The following MYO5A variants were observed in gnomAD, a reference collection of about 807,000 sequenced individuals.
MYO5A encodes the protein unconventional myosin-Va.
MYO5A carries 98 observed loss-of-function variants against 249.7 expected under a neutral mutation model. The observed-to-expected ratio is 0.39, with a 90% CI of 0.33 to 0.46. The LOEUF is 0.46. Among genes scored for constraint, MYO5A ranks in the 20% least tolerant of loss-of-function variants. MYO5A has a pLI of 0.98. For missense variants in MYO5A, 1,696 were observed against 2,308.8 expected, an observed-to-expected ratio of 0.73 and a Z score of 5.44; for synonymous variants, 778 against 810.6, an observed-to-expected ratio of 0.96 and a Z score of 0.68.
At chr15:52,525,136 T>G (rs1489647335) in intron 1 of MYO5A, among the ~76,000 whole-genome samples, 1 of 152,166 alleles carries the variant, frequency 6.6e-6, no homozygotes, top group Non-Finnish European at 1.5e-5. Flanking sequence ...TAGCAAATAT[T>G]TTCAAAATCA....
chr15:52,340,112 G>T, intron 32 of MYO5A, 84 bp downstream of exon 32: 1 of 1,477,096 alleles, frequency 6.8e-7, no homozygotes, highest in Non-Finnish European at 9.4e-7. Flanking sequence ...TTCCCAGCAA[G>T]AAAAACCCGT....
intron 40 of MYO5A, among the ~76,000 whole-genome samples, chr15:52,316,261 A>AAGTC (rs1555424920): frequency 3.3e-5 from 5 of 151,376 alleles, no homozygotes; most frequent in African/African-American, 1.2e-4. Flanking sequence ...AAAAAAAAGA[A>AAGTC]AGAAAGTCTA....
chr15:52,424,845 C>T (rs546830783), intron 4 of MYO5A, among the ~76,000 whole-genome samples: 137 of 152,286 alleles, frequency 9.0e-4, no homozygotes, highest in African/African-American at 3.2e-3. Flanking sequence ...CTGAAAGTAA[C>T]ATTTTTCTCC....
At position 52,351,300 on chromosome 15, in the gene MYO5A, A is replaced by G. The variant is rs780124012; in HGVS notation, c.3803T>C (p.Ile1268Thr). The change falls in exon 28 of 42, where the codon ATC becomes ACC. Residue 1268 changes from isoleucine (I) to threonine (T), a missense_variant. Transcript: ENST00000399233. ...CTGGCTCACCAGTTGAGACCTTAAGATGAGGACTTCCTCCTTGCGGACATC... is the reference window on the plus strand; with the variant it reads ...CTGGCTCACCAGTTGAGACCTTAAGGTGAGGACTTCCTCCTTGCGGACATC... Reference protein sequence around the residue: ...ELDVRKEEVLILRSQLVSQKE... With the variant: ...ELDVRKEEVLTLRSQLVSQKE... 9 of 1,614,206 alleles carry G rather than the reference A, an allele frequency of 5.6e-6. No individual in the cohort carries two copies. The highest frequency in any genetic ancestry group is 6.8e-6 in the Non-Finnish European group (8 of 1,180,030).
At chr15:52,506,399 C>T (rs969668153) in intron 1 of MYO5A, among the ~76,000 whole-genome samples, 11 of 151,782 alleles carry the variant, frequency 7.2e-5, no homozygotes, top group African/African-American at 1.9e-4. Flanking sequence ...TGGTGGCACA[C>T]ACCTGTAATC....
chr15:52,511,784 T>C (rs1366631880), intron 1 of MYO5A, among the ~76,000 whole-genome samples: 2 of 152,196 alleles, frequency 1.3e-5, no homozygotes, highest in African/African-American at 2.4e-5. Flanking sequence ...ATCCCAAATA[T>C]ATAATTATTT....
chr15:52,389,504 T>A, intron 12 of MYO5A, 141 bp from the exon 13 acceptor site: 1 of 810,240 alleles, frequency 1.2e-6, no homozygotes, highest in Non-Finnish European at 1.9e-6. Context: ...AGTTCATTCC[T>A]TCCACATTTC....
At chr15:52,486,080 A>T (rs895103971) in intron 1 of MYO5A, among the ~76,000 whole-genome samples, 3 of 152,050 alleles carry the variant, frequency 2.0e-5, no homozygotes, top group African/African-American at 4.8e-5. Context: ...TACTTTTCCT[A>T]TTCATTTTCA....
In MYO5A at chr15:52,323,342, A is replaced by G; in HGVS notation, c.4800+13T>C. The G allele has an allele frequency of 6.2e-7, 1 of 1,606,082 alleles. No homozygotes were observed. Among genetic ancestry groups the G allele is most frequent in the Non-Finnish European group, 8.5e-7 (1 of 1,172,882 alleles). ...AGTATAGCATGCTGGTTTTGTAATC[A>G]AGGTTTTCTCACCTCTTCTCCACTG... On this transcript the variant is annotated intron_variant, in intron 37 of 41. Transcript: ENST00000399233.
chr15:52,342,171 C>T (rs1019831191), intron 31 of MYO5A, among the ~76,000 whole-genome samples: 3 of 151,994 alleles, frequency 2.0e-5, no homozygotes, highest in African/African-American at 4.8e-5. Context: ...GCCTGGGCAA[C>T]CAAGTGAAAC....
chr15:52,426,836 A>C (rs2075405761), intron 3 of MYO5A, among the ~76,000 whole-genome samples: 1 of 152,262 alleles, frequency 6.6e-6, no homozygotes, highest in East Asian at 1.9e-4. Context: ...TATTAACTTA[A>C]TGAAGTCGTC....
At chr15:52,391,220 T>C (rs764607827) in intron 12 of MYO5A, among the ~76,000 whole-genome samples, 2 of 152,208 alleles carry the variant, frequency 1.3e-5, no homozygotes, top group Non-Finnish European at 2.9e-5. Context: ...ATGAAAATTA[T>C]CGAGTTTAAA....
chr15:52,527,459 G>C (rs1214210514), intron 1 of MYO5A, among the ~76,000 whole-genome samples: 1 of 152,188 alleles, frequency 6.6e-6, no homozygotes, highest in Non-Finnish European at 1.5e-5. Flanking sequence ...AAACTAGAAA[G>C]AAAGAGGTCT....
intron 27 of MYO5A, among the ~76,000 whole-genome samples, chr15:52,353,190 A>G (rs549096291): frequency 6.6e-6 from 1 of 152,316 alleles, no homozygotes; most frequent in East Asian, 1.9e-4. Context: ...GAGAGCCACT[A>G]ATCTAATACT....
chr15:52,400,411 T>C (rs1441198209), intron 9 of MYO5A, among the ~76,000 whole-genome samples: 2 of 152,226 alleles, frequency 1.3e-5, no homozygotes, highest in Admixed American at 6.5e-5. Context: ...GCAAGAATAG[T>C]ACAAAAAATT....
At position 52,379,667 on chromosome 15, in the gene MYO5A, G is replaced by C. The variant is rs200906422; in HGVS notation, c.2166C>G (p.Asp722Glu). 1.1e-4 allele frequency: 175 copies of C among 1,614,192 alleles called. 1 individual carries two copies. In the South Asian group the frequency reaches 1.2e-3, roughly 11 times the overall value. The change falls in exon 18 of 42, where the codon GAC becomes GAG. Residue 722 changes from aspartate (D) to glutamate (E), a missense_variant. This residue lies in a region of MYO5A where 277 missense variants were observed against 422.4 expected (regional missense o/e 0.66). Transcript: ENST00000399233. ...ACACATTCTTGCATGTTTGCTTTCT[G>C]TCACTCAGCACATCTTTCTGCTTCA... ...VLMKQKDVLSDRKQTCKNVLE... is the reference protein window; with the variant it reads ...VLMKQKDVLSERKQTCKNVLE...
rs1408373898 is a variant in MYO5A at position 52,435,556 on chromosome 15, C to A, written c.28-2271G>T. On this transcript the variant is annotated intron_variant, in intron 1 of 41. Coordinates refer to ENST00000399233, the MANE Select transcript of MYO5A (RefSeq NM_001382347.1). ...CCTCTCAAGGTGCTGGGATTACAGG[C>A]ATGAGCCACCATGCCCAGCCTATGT... 6 of 430,006 alleles carry A rather than the reference C, an allele frequency of 1.4e-5. No individual in the cohort carries two copies. In the East Asian group the frequency reaches 4.2e-4, roughly 30 times the overall value. The allele number at this position is 430,006 out of a possible 1,614,324, so 26.6% of individuals were successfully genotyped here.
chr15:52,406,969 G>C (rs2043031178), intron 8 of MYO5A, among the ~76,000 whole-genome samples: 1 of 152,126 alleles, frequency 6.6e-6, no homozygotes, highest in Non-Finnish European at 1.5e-5. Flanking sequence ...AGAATTACAA[G>C]TAGCCCTCCC....
intron 1 of MYO5A, among the ~76,000 whole-genome samples, chr15:52,519,660 T>C (rs984491041): frequency 6.6e-5 from 10 of 151,364 alleles, no homozygotes; most frequent in Non-Finnish European, 1.3e-4. Context: ...AAAATCAAAA[T>C]TGAAGACTGA....
Sources: gnomAD v4.1 joint callset for allele counts (sites outside exome capture counted in the v4.1 genomes callset) on GRCh38, gnomAD v4.1.1 for gene constraint, gnomAD v4.1.1 regional missense constraint, MANE v1.5 for transcripts, NCBI Gene and HGNC (gene_info 2026-07-23, HGNC 2026-07-21) for gene names.